SANBR: variants seen among roughly 807,000 people sequenced by gnomAD.
SANBR encodes the protein SANT and BTB domain regulator of CSR.
In SANBR, 77 loss-of-function variants were observed where a neutral mutation model predicts 101.8. That is an observed-to-expected ratio of 0.76 (90% confidence interval 0.63 to 0.91). The LOEUF (loss-of-function observed/expected upper bound fraction) is 0.91, where lower values mean the gene tolerates loss of function less well. Among genes scored for constraint, SANBR ranks in the 40% least tolerant of loss-of-function variants. The probability of loss-of-function intolerance (pLI) is 0.00; values close to 1 mark genes in which losing one functional copy is unlikely to be tolerated. For synonymous variants in SANBR, 279 were observed against 274.7 expected (o/e 1.02, Z -0.15); for missense variants, 875 against 853.0 (o/e 1.03, Z -0.32).
chr2:61,135,651 G>A (rs1684820027), intron 21 of SANBR, among the ~76,000 whole-genome samples: 1 of 152,170 alleles, frequency 6.6e-6, no homozygotes, highest in Non-Finnish European at 1.5e-5. Context: ...TTATACCAGA[G>A]CACTATCATT....
rs534945814 is a variant in SANBR at position 61,106,594 on chromosome 2, G to A, written c.1543G>A (p.Gly515Ser). The change falls in exon 14 of 22, where the codon GGT becomes AGT. Residue 515 changes from glycine (G) to serine (S), a missense_variant. Gly to Ser is a moderately conservative substitution (Grantham distance 56, BLOSUM62 0). Transcript: ENST00000402291. Reference sequence around the variant, plus strand: ...TGGGGTTGGCCTCTGTGATGAAAAGGGTATAGAATGTGATGTTTTACTGGA... The same window carrying A: ...TGGGGTTGGCCTCTGTGATGAAAAGAGTATAGAATGTGATGTTTTACTGGA... ...DVGVGLCDEK[G>S]IECDVLLEPN... 3.4e-5 allele frequency: 55 copies of A among 1,601,952 alleles called. No homozygotes were observed. Among genetic ancestry groups the A allele is most frequent in the Non-Finnish European group, 4.2e-5 (49 of 1,176,184 alleles).
At chr2:61,120,090 C>T (rs976182344) in intron 20 of SANBR, among the ~76,000 whole-genome samples, 1 of 152,188 alleles carries the variant, frequency 6.6e-6, no homozygotes, top group Non-Finnish European at 1.5e-5. Flanking sequence ...TATAGACATT[C>T]CCTCACCATA....
chr2:61,083,431 C>T (rs1309768568), intron 8 of SANBR, 117 bp downstream of exon 8: 2 of 747,606 alleles, frequency 2.7e-6, no homozygotes, highest in Non-Finnish European at 4.3e-6. Context: ...GGTTCTCACT[C>T]TGTTGTTCAG....
intron 20 of SANBR, among the ~76,000 whole-genome samples, chr2:61,133,349 G>T (rs766750415): frequency 2.6e-5 from 4 of 152,142 alleles, no homozygotes; most frequent in Non-Finnish European, 1.5e-5. Context: ...TTGGGGTAAT[G>T]AAAATGTTTT....
At chr2:61,079,675 A>G (rs1681987769) in intron 6 of SANBR, among the ~76,000 whole-genome samples, 1 of 152,146 alleles carries the variant, frequency 6.6e-6, no homozygotes, top group Non-Finnish European at 1.5e-5. Context: ...CATCATATTT[A>G]TGTGTGTAGT....
intron 10 of SANBR, chr2:61,089,684 A>AAAAT (rs1172352270): frequency 6.6e-6 from 1 of 152,166 alleles, no homozygotes; most frequent in Non-Finnish European, 1.5e-5. Flanking sequence ...TCAAATAAAT[A>AAAAT]AAATAAATAA....
intron 20 of SANBR, chr2:61,134,119 T>C (rs1046087492): frequency 1.2e-6 from 2 of 1,613,950 alleles, no homozygotes; most frequent in Admixed American, 1.7e-5. Context: ...GGTAGTGTTA[T>C]TATCTGCTTT....
rs1199194785 is a variant in SANBR, at chr2:61,070,382, T to A, written c.32T>A (p.Phe11Tyr). ...CGTGGATATTCAGAAAACAACAATT[T>A]CCTGAACAATAATAACCAAATGGTA... MSRGYSENNNFLNNNNQMVLD... is the reference protein window; with the variant it reads MSRGYSENNNYLNNNNQMVLD... The change falls in exon 3 of 22, where the codon TTC (phenylalanine) becomes TAC (tyrosine). Residue 11 changes from phenylalanine to tyrosine, a missense_variant. Transcript: ENST00000402291. The A allele has an allele frequency of 3.8e-6, 6 of 1,593,420 alleles. No homozygotes were observed. The highest frequency in any genetic ancestry group is 1.8e-5 in the Admixed American group (1 of 55,550).
At chr2:61,093,998 C>T in intron 11 of SANBR, 1 of 602,370 alleles carries the variant, frequency 1.7e-6, no homozygotes, top group South Asian at 7.3e-5. Flanking sequence ...TTCCTCTCCC[C>T]AGTAATTTTC....
At chr2:61,120,725 C>A (rs546762353) in intron 20 of SANBR, among the ~76,000 whole-genome samples, 2 of 151,068 alleles carry the variant, frequency 1.3e-5, no homozygotes, top group Admixed American at 6.6e-5. Context: ...ATGCTGTCTC[C>A]AAAAAAAAGG....
In SANBR at chr2:61,091,678, T is replaced by C. The variant is rs1386893026; in HGVS notation, c.1089-786T>C. Among the ~76,000 whole-genome samples, 7 of 152,186 alleles carry C rather than the reference T, an allele frequency of 4.6e-5. No individual in the cohort carries two copies. In the East Asian group the frequency reaches 1.4e-3, roughly 29 times the overall value. On this transcript the variant is annotated intron_variant, in intron 10 of 21. Transcript: ENST00000402291. The stretch of plus-strand genomic sequence containing the variant: ...CAGGAGGCTGAGGCGAGAGGATTAC[T>C]TGAACCAAGGAGTTTGAAGTTGCAA...
intron 7 of SANBR, among the ~76,000 whole-genome samples, chr2:61,082,165 A>G (rs1682168938): frequency 6.6e-6 from 1 of 152,104 alleles, no homozygotes; most frequent in African/African-American, 2.4e-5. Context: ...AGCCACCTAT[A>G]TTCCTGTATT....
At chr2:61,071,515 A>C in intron 3 of SANBR, 91 bp from the exon 4 acceptor site, 1 of 744,080 alleles carries the variant, frequency 1.3e-6, no homozygotes. Flanking sequence ...ACACCACTGC[A>C]CTCCAGCCTG....
At chr2:61,137,071 G>A (rs978727801) in intron 21 of SANBR, among the ~76,000 whole-genome samples, 1 of 151,884 alleles carries the variant, frequency 6.6e-6, no homozygotes, top group Non-Finnish European at 1.5e-5. Context: ...AAGATCGCTT[G>A]AGAATGTGAG....
intron 4 of SANBR, among the ~76,000 whole-genome samples, 194 bp from the exon 5 acceptor site, chr2:61,073,264 G>T (rs1681579765): frequency 1.3e-5 from 2 of 152,090 alleles, no homozygotes; most frequent in African/African-American, 4.8e-5. Flanking sequence ...AGCAATTTAT[G>T]ATTCATTTTT....
chr2:61,079,880 CAG>C (rs1249537856), intron 6 of SANBR, among the ~76,000 whole-genome samples: 4 of 147,976 alleles, frequency 2.7e-5, no homozygotes, highest in African/African-American at 5.0e-5. Context: ...AGCCTGGCAA[CAG>C]AGCGAGACTC....
chr2:61,112,177 A>G (rs1369559938), intron 16 of SANBR, among the ~76,000 whole-genome samples: 1 of 152,226 alleles, frequency 6.6e-6, no homozygotes, highest in Non-Finnish European at 1.5e-5. Flanking sequence ...GAGCAGTCCC[A>G]CCACTGTGCA....
At chr2:61,116,943 G>C (rs1249187198) in intron 17 of SANBR, 1 of 180,588 alleles carries the variant, frequency 5.5e-6, no homozygotes, top group Non-Finnish European at 1.2e-5. Context: ...TGTAGTCCCA[G>C]CTACTCAGGA....
chr2:61,109,408 A>G, intron 16 of SANBR, 112 bp downstream of exon 16: 1 of 512,856 alleles, frequency 1.9e-6, no homozygotes, highest in Non-Finnish European at 3.4e-6. Flanking sequence ...AGGTTGCAAC[A>G]TAGAAAAAAA....
Sources: gnomAD v4.1 joint callset for allele counts (sites outside exome capture counted in the v4.1 genomes callset) on GRCh38, gnomAD v4.1.1 for gene constraint, MANE v1.5 for transcripts, NCBI Gene and HGNC (gene_info 2026-07-23, HGNC 2026-07-21) for gene names.